STXBP5: variants seen among roughly 807,000 people sequenced by gnomAD.
STXBP5 encodes syntaxin binding protein 5.
A neutral mutation model predicts 152.4 loss-of-function variants in STXBP5; 50 were observed. The ratio of observed to expected loss-of-function variants is 0.33; its 90% confidence interval spans 0.26 to 0.42. The LOEUF is 0.42. STXBP5 is among the 10% of genes least tolerant of loss of function. The pLI is 1.00. For synonymous variants in STXBP5, 492 were observed against 494.7 expected (o/e 0.99, Z 0.07); for missense variants, 1,167 against 1,388.6 (o/e 0.84, Z 2.54).
Position 147,291,161 on chromosome 6 carries a change from G to A in STXBP5, c.906G>A (p.Thr302=), listed in dbSNP as rs937791497. Residue 302 remains threonine, a synonymous_variant, in exon 9 of 28, where the codon ACG becomes ACA. Transcript: ENST00000321680. ...CKPILKVEFK[T]TRSGEPFIIL... Reference sequence around the variant, plus strand: ...CTATCCTCAAGGTGGAATTCAAAACGACTAGATCTGGGTAAGATTTTACTT... The same window carrying A: ...CTATCCTCAAGGTGGAATTCAAAACAACTAGATCTGGGTAAGATTTTACTT... 9 of 1,612,120 alleles carry A rather than the reference G, an allele frequency of 5.6e-6. No homozygotes were observed. In the African/African-American group the frequency reaches 9.4e-5, roughly 17 times the overall value.
intron 21 of STXBP5, among the ~76,000 whole-genome samples, chr6:147,349,394 A>G (rs143209945): frequency 5.0e-4 from 76 of 152,302 alleles, no homozygotes; most frequent in African/African-American, 1.8e-3. Context: ...AATGTTCTTT[A>G]TCTTGCTCGT....
chr6:147,334,341 C>A, intron 19 of STXBP5, 119 bp downstream of exon 19: 1 of 769,612 alleles, frequency 1.3e-6, no homozygotes, highest in Non-Finnish European at 2.0e-6. Context: ...TTTTGTGTCA[C>A]GTATTTAGTC....
intron 16 of STXBP5, among the ~76,000 whole-genome samples, chr6:147,320,583 G>GTT (rs1313064217): frequency 2.0e-5 from 3 of 147,564 alleles, no homozygotes; most frequent in African/African-American, 7.6e-5. Context: ...GTGTGTGTGT[G>GTT]TGTGTGTGTG....
chr6:147,276,538 G>T (rs902256737), intron 7 of STXBP5, among the ~76,000 whole-genome samples: 8 of 151,962 alleles, frequency 5.3e-5, no homozygotes, highest in Non-Finnish European at 1.5e-5. Context: ...ATTTATACAT[G>T]ATACTATTAA....
At chr6:147,304,515 G>A (rs1273286155) in intron 9 of STXBP5, among the ~76,000 whole-genome samples, 3 of 152,112 alleles carry the variant, frequency 2.0e-5, no homozygotes, top group Non-Finnish European at 4.4e-5. Context: ...TGTGGAGTCG[G>A]TGCCCCCACA....
chr6:147,247,642 C>CCT (rs1252197786), intron 4 of STXBP5, among the ~76,000 whole-genome samples: 1 of 152,118 alleles, frequency 6.6e-6, no homozygotes, highest in Admixed American at 6.5e-5. Context: ...TCTTTGAATA[C>CCT]CTCTACCCTT....
At chr6:147,254,810 G>A (rs1779275157) in intron 4 of STXBP5, among the ~76,000 whole-genome samples, 1 of 152,184 alleles carries the variant, frequency 6.6e-6, no homozygotes, top group South Asian at 2.1e-4. Context: ...TAAAAAGTCA[G>A]GAAACAACAG....
chr6:147,276,808 A>G (rs1780464008), intron 7 of STXBP5, among the ~76,000 whole-genome samples: 1 of 152,194 alleles, frequency 6.6e-6, no homozygotes, highest in Non-Finnish European at 1.5e-5. Context: ...GACTTACAAT[A>G]TTTCTTCAAC....
At chr6:147,213,471 TGTGTGTGC>T (rs1554282744) in intron 2 of STXBP5, among the ~76,000 whole-genome samples, 47 of 121,588 alleles carry the variant, frequency 3.9e-4, no homozygotes, top group African/African-American at 1.3e-3. Context: ...TGTGTGTGTG[TGTGTGTGC>T]GCGCGCATAT....
chr6:147,341,061 G>C (rs1248188465), intron 21 of STXBP5, among the ~76,000 whole-genome samples: 1 of 151,994 alleles, frequency 6.6e-6, no homozygotes, highest in Non-Finnish European at 1.5e-5. Context: ...CTTTGGCTTT[G>C]TTTGAACCTT....
chr6:147,370,340 A>G (rs1269510694), intron 25 of STXBP5, among the ~76,000 whole-genome samples: 1 of 152,056 alleles, frequency 6.6e-6, no homozygotes, highest in Non-Finnish European at 1.5e-5. Flanking sequence ...TCATGCATAT[A>G]TGCATATGGC....
At chr6:147,285,793 C>T (rs932921135) in intron 8 of STXBP5, among the ~76,000 whole-genome samples, 4 of 152,080 alleles carry the variant, frequency 2.6e-5, no homozygotes, top group Non-Finnish European at 5.9e-5. Context: ...ATCTAATGTC[C>T]TTTAGAATTT....
intron 4 of STXBP5, among the ~76,000 whole-genome samples, chr6:147,239,692 T>C (rs770016222): frequency 2.0e-5 from 3 of 152,230 alleles, no homozygotes; most frequent in Non-Finnish European, 4.4e-5. Flanking sequence ...TGCCATAATT[T>C]ATTCAGCCAT....
intron 2 of STXBP5, among the ~76,000 whole-genome samples, chr6:147,215,280 A>G (rs1317314808): frequency 6.6e-6 from 1 of 152,272 alleles, no homozygotes; most frequent in Non-Finnish European, 1.5e-5. Flanking sequence ...TCAGTAAGAA[A>G]TACATTTTTA....
At chr6:147,320,550 T>TGA (rs1782874763) in intron 16 of STXBP5, among the ~76,000 whole-genome samples, 2 of 126,096 alleles carry the variant, frequency 1.6e-5, no homozygotes, top group South Asian at 2.8e-4. Flanking sequence ...CCTGCTAATT[T>TGA]GAGTGTGTGT....
At chr6:147,332,932 A>G (rs1460884877) in intron 18 of STXBP5, among the ~76,000 whole-genome samples, 1 of 152,166 alleles carries the variant, frequency 6.6e-6, no homozygotes, top group Non-Finnish European at 1.5e-5. Context: ...CCTCAACTCA[A>G]ACCTCAAAGT....
At chr6:147,333,887 C>T (rs770832278) in intron 18 of STXBP5, among the ~76,000 whole-genome samples, 4 of 152,046 alleles carry the variant, frequency 2.6e-5, no homozygotes, top group Non-Finnish European at 4.4e-5. Flanking sequence ...ACGTCAATCA[C>T]CAGGCAAATT....
intron 21 of STXBP5, among the ~76,000 whole-genome samples, chr6:147,342,032 T>C (rs1784116983): frequency 1.3e-5 from 2 of 152,176 alleles, no homozygotes; most frequent in South Asian, 2.1e-4. Context: ...CCCCACTCCA[T>C]GGTCTGTCCT....
intron 21 of STXBP5, among the ~76,000 whole-genome samples, chr6:147,350,078 C>T (rs1784520587): frequency 6.6e-6 from 1 of 152,082 alleles, no homozygotes; most frequent in Non-Finnish European, 1.5e-5. Context: ...ATTTATATGA[C>T]ATTTATAGTA....
Sources: gnomAD v4.1 joint callset for allele counts (sites outside exome capture counted in the v4.1 genomes callset) on GRCh38, gnomAD v4.1.1 for gene constraint, MANE v1.5 for transcripts, NCBI Gene and HGNC (gene_info 2026-07-23, HGNC 2026-07-21) for gene names.